Variants in CMSS1 observed in about 807,000 individuals in gnomAD.
CMSS1 encodes the protein protein CMSS1.
In CMSS1, 33 loss-of-function variants were observed where a neutral mutation model predicts 43.5. The ratio of observed to expected loss-of-function variants is 0.76; its 90% CI spans 0.57 to 1.01. The LOEUF (loss-of-function observed/expected upper bound fraction) is 1.01. CMSS1 is among the 50% of genes least tolerant of loss of function. The pLI, the probability that CMSS1 is intolerant of heterozygous loss-of-function variation, is 0.00. For synonymous variants in CMSS1, 115 were observed against 117.2 expected (o/e 0.98, Z 0.12); for missense variants, 313 against 326.4 (o/e 0.96, Z 0.32).
intron 8 of CMSS1, among the ~76,000 whole-genome samples, chr3:100,172,828 T>C (rs891281445): frequency 2.0e-5 from 3 of 152,196 alleles, no homozygotes; most frequent in African/African-American, 7.2e-5. Context: ...CCATAATAGT[T>C]CTTCCCAAAT....
intron 2 of CMSS1, among the ~76,000 whole-genome samples, chr3:100,155,450 A>G (rs1559774702): frequency 6.6e-6 from 1 of 152,184 alleles, no homozygotes; most frequent in Non-Finnish European, 1.5e-5. Flanking sequence ...TATTTTCCAT[A>G]TGCTCAAATA....
intron 1 of CMSS1, among the ~76,000 whole-genome samples, chr3:100,021,950 TGTGTGTGTGTGAGAGAGAGAGAGA>T (rs1220715614): frequency 9.3e-5 from 12 of 129,006 alleles, no homozygotes; most frequent in South Asian, 2.8e-4. Flanking sequence ...TGTGTGTGTG[TGTGTGTGTGTGAGAGAGAGAGAGA>T]GAGAGAGAGA....
In CMSS1 at chr3:100,035,597, T is replaced by C. The variant is rs2065094467; in HGVS notation, c.65-111376T>C. Among the ~76,000 whole-genome samples, 6 of 152,268 alleles carry C rather than the reference T, an allele frequency of 3.9e-5. No individual in the cohort carries two copies. The South Asian group carries it at 1.0e-3, about 26-fold the overall frequency. On this transcript the variant is annotated intron_variant, in intron 1 of 9. Coordinates refer to ENST00000421999, the MANE Select transcript of CMSS1 (RefSeq NM_032359.4). ...ACTTGAATTTTTTAATGCCCTCTGG[T>C]TCCCAGTAATCAAACACTTTGACCT...
chr3:100,156,268 G>C (rs535596989), intron 2 of CMSS1, among the ~76,000 whole-genome samples: 103 of 144,542 alleles, frequency 7.1e-4, no homozygotes, highest in Non-Finnish European at 1.3e-3. Flanking sequence ...AGGAGTACAG[G>C]TATGCGCCAC....
rs147253399 is a variant in CMSS1 at position 100,119,582 on chromosome 3, G to C, written c.65-27391G>C. ...CATAGTCAATACACAACACATCATA[G>C]AATTGATGCATCTTTGAATGGATGA... On this transcript the variant is annotated intron_variant, in intron 1 of 9. Transcript: ENST00000421999. 7.3e-3 allele frequency among the ~76,000 whole-genome samples: 1,118 copies of C among 152,304 alleles called. 20 individuals carry two copies. The highest frequency in any genetic ancestry group is 0.025 in the African/African-American group (1,031 of 41,568).
chr3:100,099,094 G>C (rs924726097), intron 1 of CMSS1, among the ~76,000 whole-genome samples: 1 of 152,158 alleles, frequency 6.6e-6, no homozygotes, highest in Non-Finnish European at 1.5e-5. Context: ...ACCCAGAGAA[G>C]TTTTGAACTG....
Position 99,981,692 on chromosome 3 carries a change from T to C in CMSS1, c.64+163649T>C, listed in dbSNP as rs554708884. On this transcript the variant is annotated intron_variant, in intron 1 of 9. Transcript: ENST00000421999. Reference sequence around the variant, plus strand: ...TGCCTTCAGCACCATTTGAAAAAAATTGGTTGGAATTAGTGTTTAAACCAG... The same window carrying C: ...TGCCTTCAGCACCATTTGAAAAAAACTGGTTGGAATTAGTGTTTAAACCAG... Among the ~76,000 whole-genome samples, 4 of 152,284 alleles carry C rather than the reference T, an allele frequency of 2.6e-5. No individual in the cohort carries two copies. In the South Asian group the frequency reaches 6.2e-4, roughly 24 times the overall value.
intron 1 of CMSS1, among the ~76,000 whole-genome samples, chr3:100,117,100 A>G (rs1029947839): frequency 2.0e-5 from 3 of 152,190 alleles, no homozygotes; most frequent in Non-Finnish European, 4.4e-5. Flanking sequence ...TCACATAAAT[A>G]AATAATTGCC....
At chr3:100,156,605 C>CT (rs1559775131) in intron 2 of CMSS1, among the ~76,000 whole-genome samples, 1 of 151,582 alleles carries the variant, frequency 6.6e-6, no homozygotes, top group African/African-American at 2.4e-5. Context: ...CCACGCGCAG[C>CT]CTTTTTGTTT....
chr3:99,947,137 CAAAAAAAAA>C (rs397829321), intron 1 of CMSS1, among the ~76,000 whole-genome samples: 7 of 88,826 alleles, frequency 7.9e-5, no homozygotes, highest in African/African-American at 3.3e-4. Context: ...GACTCTGTCT[CAAAAAAAAA>C]AAAAAAAAAA....
intron 1 of CMSS1, among the ~76,000 whole-genome samples, chr3:99,841,598 G>A (rs1943134929): frequency 6.6e-6 from 1 of 152,150 alleles, no homozygotes; most frequent in Non-Finnish European, 1.5e-5. Flanking sequence ...TTTGTATATT[G>A]TAGTTGTCCA....
At chr3:100,105,580 C>G (rs1326939791) in intron 1 of CMSS1, among the ~76,000 whole-genome samples, 1 of 152,142 alleles carries the variant, frequency 6.6e-6, no homozygotes, top group African/African-American at 2.4e-5. Context: ...CTCATATACC[C>G]TTTAAGCAGA....
chr3:99,935,938 G>A (rs1420939053), intron 1 of CMSS1, among the ~76,000 whole-genome samples: 1 of 152,080 alleles, frequency 6.6e-6, no homozygotes, highest in Non-Finnish European at 1.5e-5. Flanking sequence ...GTAAATAGAA[G>A]TCTATTCTAC....
At chr3:100,019,417 G>A (rs1334151047) in intron 1 of CMSS1, among the ~76,000 whole-genome samples, 1 of 151,998 alleles carries the variant, frequency 6.6e-6, no homozygotes, top group Non-Finnish European at 1.5e-5. Flanking sequence ...TTACCGAAAG[G>A]AATAGCAGGT....
At chr3:100,125,597 A>G (rs1559765548) in intron 1 of CMSS1, among the ~76,000 whole-genome samples, 1 of 152,208 alleles carries the variant, frequency 6.6e-6, no homozygotes, top group Non-Finnish European at 1.5e-5. Flanking sequence ...ATATGACATA[A>G]CACCTTAGCT....
In CMSS1 at chr3:99,823,986, G is replaced by A. The variant is rs917743181; in HGVS notation, c.64+5943G>A. On this transcript the variant is annotated intron_variant, in intron 1 of 9. Coordinates refer to ENST00000421999, the MANE Select transcript of CMSS1 (RefSeq NM_032359.4). The stretch of plus-strand genomic sequence containing the variant: ...CACCCAGGCTAGAGTGCAGTGGTGC[G>A]ATCTCAGCTCACTGCATCCTCCACC... 4.7e-5 allele frequency among the ~76,000 whole-genome samples: 7 copies of A among 150,350 alleles called. 1 individual carries two copies. Among genetic ancestry groups the A allele is most frequent in the South Asian group, 2.1e-4 (1 of 4,738 alleles).
intron 1 of CMSS1, among the ~76,000 whole-genome samples, chr3:99,831,497 T>C (rs1942668793): frequency 6.6e-6 from 1 of 152,216 alleles, no homozygotes; most frequent in Non-Finnish European, 1.5e-5. Context: ...AGGAAACAAC[T>C]TGGAGATCAG....
Position 100,166,356 on chromosome 3 carries a change from A to T in CMSS1, c.377A>T (p.Asn126Ile), listed in dbSNP as rs111259484. Residue 126 changes from asparagine (N) to isoleucine (I), a missense_variant, in exon 5 of 10, where the codon AAT becomes ATT. By Grantham distance (149) the Asn-to-Ile change is moderately radical (BLOSUM62 -3). Transcript: ENST00000421999. ...CTAGACTCCTGTTTCCTCAAGGCCA[A>T]TGATTTGACTCACAGTCTTTCCTCA... ...NLPDSCFLKA[N>I]DLTHSLSSYL... 1.9e-6 allele frequency: 3 copies of T among 1,601,122 alleles called. No homozygotes were observed. Among genetic ancestry groups the T allele is most frequent in the Non-Finnish European group, 8.6e-7 (1 of 1,168,586 alleles).
At chr3:99,929,242 G>T (rs1486583927) in intron 1 of CMSS1, among the ~76,000 whole-genome samples, 16 of 152,242 alleles carry the variant, frequency 1.1e-4, no homozygotes, top group African/African-American at 1.7e-4. Context: ...TGGTGGCCCT[G>T]TTGGGACTGC....
Sources: allele counts gnomAD v4.1 joint callset (sites outside exome capture counted in the v4.1 genomes callset), GRCh38; gene constraint gnomAD v4.1.1; transcripts MANE v1.5; gene names NCBI Gene and HGNC (gene_info 2026-07-23, HGNC 2026-07-21).